STARD13: variants seen among roughly 807,000 people sequenced by gnomAD.
STARD13 encodes the protein stAR-related lipid transfer protein 13.
STARD13 carries 62 observed loss-of-function variants against 106.4 expected under a neutral mutation model. That is an observed-to-expected ratio of 0.58 (90% CI 0.48 to 0.72). STARD13 has a LOEUF of 0.72. Among genes scored for constraint, STARD13 ranks in the 30% least tolerant of loss-of-function variants. The probability of loss-of-function intolerance (pLI) is 0.00; values close to 1 mark genes in which losing one functional copy is unlikely to be tolerated. For synonymous variants in STARD13, 565 were observed against 553.0 expected (o/e 1.02, Z -0.31); for missense variants, 1,387 against 1,424.0 (o/e 0.97, Z 0.42).
intron 1 of STARD13, among the ~76,000 whole-genome samples, chr13:33,225,706 A>C (rs1377845544): frequency 6.6e-6 from 1 of 151,312 alleles, no homozygotes; most frequent in Non-Finnish European, 1.5e-5. Context: ...TATATTTTTT[A>C]TGTTTCATAA....
rs757599182 is a variant in STARD13, at chr13:33,142,317, C to T, written c.380G>A (p.Arg127Lys). 1 of 1,613,944 alleles carries T rather than the reference C, an allele frequency of 6.2e-7. No individual in the cohort carries two copies. The highest frequency in any genetic ancestry group is 2.2e-5 in the East Asian group (1 of 44,878). Reference protein sequence around the residue: ...ASMKLDVNFQRKKGDDSDEED... With the variant: ...ASMKLDVNFQKKKGDDSDEED... ...TAAGGTGTGGGCACCTACCTTTTTC[C>T]TTTGGAAGTTCACATCAAGTTTCAT... is the stretch of plus-strand genomic sequence containing the variant. The change falls in exon 4 of 14, where the codon AGG becomes AAG. Residue 127 changes from arginine (R) to lysine (K), a missense_variant. Arg to Lys is a conservative substitution (Grantham distance 26). Coordinates refer to ENST00000336934, the MANE Select transcript of STARD13 (RefSeq NM_178006.4).
chr13:33,507,996 C>G, the STARD13 span, among the ~76,000 whole-genome samples: 1 of 152,050 alleles, frequency 6.6e-6, no homozygotes, highest in African/African-American at 2.4e-5. Context: ...CTGTGCAGTT[C>G]AAGCCCGTGT....
At chr13:33,490,798 T>C in the STARD13 span, among the ~76,000 whole-genome samples, 1 of 152,170 alleles carries the variant, frequency 6.6e-6, no homozygotes, top group African/African-American at 2.4e-5. Flanking sequence ...AGGCAGAAGG[T>C]CCACTGAGCT....
At chr13:33,439,954 G>T in the STARD13 span, among the ~76,000 whole-genome samples, 2 of 152,184 alleles carry the variant, frequency 1.3e-5, no homozygotes, top group African/African-American at 4.8e-5. Flanking sequence ...CGCATTAAAT[G>T]TATTTTTCTC....
chr13:33,624,809 C>T, the STARD13 span, among the ~76,000 whole-genome samples: 1 of 152,228 alleles, frequency 6.6e-6, no homozygotes, highest in Non-Finnish European at 1.5e-5. Flanking sequence ...TGCCCAAGGC[C>T]ACCCAGCTGG....
At chr13:33,650,164 A>G in the STARD13 span, among the ~76,000 whole-genome samples, 21 of 48,374 alleles carry the variant, frequency 4.3e-4, no homozygotes, top group African/African-American at 1.7e-3. Flanking sequence ...CGTGACTCCA[A>G]TTTTTTTTTT....
the STARD13 span, among the ~76,000 whole-genome samples, chr13:33,567,245 G>A: frequency 4.7e-5 from 7 of 148,362 alleles, 2 homozygotes; most frequent in Admixed American, 4.8e-4. Flanking sequence ...TAACAAACAA[G>A]AAAATAAAAC....
At chr13:33,564,156 A>G in the STARD13 span, among the ~76,000 whole-genome samples, 2 of 140,844 alleles carry the variant, frequency 1.4e-5, no homozygotes, top group African/African-American at 2.7e-5. Context: ...TGTGGTGAGC[A>G]GAGACCGTGC....
intron 1 of STARD13, among the ~76,000 whole-genome samples, chr13:33,311,590 T>C (rs1893140338): frequency 6.6e-6 from 1 of 152,228 alleles, no homozygotes; most frequent in Non-Finnish European, 1.5e-5. Flanking sequence ...TAAATCAGAT[T>C]ATTAAAAGTG....
At chr13:33,449,061 A>C in the STARD13 span, among the ~76,000 whole-genome samples, 1 of 150,296 alleles carries the variant, frequency 6.7e-6, no homozygotes, top group South Asian at 2.1e-4. Flanking sequence ...TAATTGTTCT[A>C]TTGTCCTAAA....
the STARD13 span, among the ~76,000 whole-genome samples, chr13:33,663,172 A>G: frequency 6.6e-6 from 1 of 151,986 alleles, no homozygotes; most frequent in Admixed American, 6.6e-5. Flanking sequence ...TGCAGCCTCA[A>G]CCTCCTGGGC....
chr13:33,573,439 T>C, the STARD13 span, among the ~76,000 whole-genome samples: 1 of 152,178 alleles, frequency 6.6e-6, no homozygotes, highest in Non-Finnish European at 1.5e-5. Flanking sequence ...ATTTATTCCA[T>C]TATAAACTAT....
At chr13:33,499,567 C>T in the STARD13 span, among the ~76,000 whole-genome samples, 1 of 64,866 alleles carries the variant, frequency 1.5e-5, no homozygotes, top group Admixed American at 1.8e-4. Flanking sequence ...TCTTCTTCTT[C>T]TTCTTCTTCT....
At chr13:33,180,879 T>A (rs1885163143) in intron 1 of STARD13, among the ~76,000 whole-genome samples, 1 of 152,200 alleles carries the variant, frequency 6.6e-6, no homozygotes, top group South Asian at 2.1e-4. Flanking sequence ...TCCTTGAAAC[T>A]TTTGCTTCTC....
chr13:33,443,031 T>C, the STARD13 span, among the ~76,000 whole-genome samples: 8 of 152,082 alleles, frequency 5.3e-5, no homozygotes, highest in Admixed American at 1.3e-4. Context: ...GACAGTGGGG[T>C]TGGTTGCATA....
chr13:33,463,948 T>G, the STARD13 span, among the ~76,000 whole-genome samples: 1 of 150,480 alleles, frequency 6.6e-6, no homozygotes, highest in African/African-American at 2.4e-5. Flanking sequence ...GAGGCAGAGG[T>G]TGCAGTGAGC....
At chr13:33,156,104 C>T (rs1020275247) in intron 3 of STARD13, among the ~76,000 whole-genome samples, 5 of 152,244 alleles carry the variant, frequency 3.3e-5, no homozygotes, top group Non-Finnish European at 7.3e-5. Flanking sequence ...AAGGGCATCC[C>T]ACTCCTATCA....
At chr13:33,656,031 C>G in the STARD13 span, among the ~76,000 whole-genome samples, 3 of 152,210 alleles carry the variant, frequency 2.0e-5, no homozygotes, top group Non-Finnish European at 4.4e-5. Context: ...TCCTCCCCAC[C>G]TTTCTACTTA....
At chr13:33,349,537 G>A (rs1356214318) in intron 1 of STARD13, among the ~76,000 whole-genome samples, 1 of 152,224 alleles carries the variant, frequency 6.6e-6, no homozygotes, top group Non-Finnish European at 1.5e-5. Flanking sequence ...AAGGGGCAGT[G>A]TGACACTGGG....
Sources: gnomAD v4.1 joint callset for allele counts (sites outside exome capture counted in the v4.1 genomes callset) on GRCh38, gnomAD v4.1.1 for gene constraint, MANE v1.5 for transcripts, NCBI Gene and HGNC (gene_info 2026-07-23, HGNC 2026-07-21) for gene names.